The following MPHOSPH8 variants were observed in gnomAD, a reference collection of about 807,000 sequenced individuals.
MPHOSPH8 encodes the protein M-phase phosphoprotein 8, also known as M-phase phosphoprotein, mpp.
MPHOSPH8 carries 45 observed loss-of-function variants against 87.3 expected under a neutral mutation model. The observed-to-expected ratio is 0.52, with a 90% CI of 0.41 to 0.66. MPHOSPH8 has a LOEUF of 0.66. MPHOSPH8 is among the 30% of genes least tolerant of loss of function. The pLI is 0.00. For synonymous variants in MPHOSPH8, 366 were observed against 376.9 expected (o/e 0.97, Z 0.33); for missense variants, 883 against 1,020.2 (o/e 0.87, Z 1.83).
chr13:19,644,712 G>T (rs967289629), intron 2 of MPHOSPH8, among the ~76,000 whole-genome samples: 1 of 152,200 alleles, frequency 6.6e-6, no homozygotes, highest in African/African-American at 2.4e-5. Context: ...CAGTGTGTTG[G>T]CAGCCTTTCT....
rs1163603397 is a variant in MPHOSPH8, at chr13:19,658,978, G to A, written c.1577-17G>A. 6.2e-7 allele frequency: 1 copy of A among 1,609,364 alleles called. No individual in the cohort carries two copies. Among genetic ancestry groups the A allele is most frequent in the Non-Finnish European group, 8.5e-7 (1 of 1,178,980 alleles). ...CTTCAGACAAATGTATGTTAACAAG[G>A]CTATTGTGTGTTCCAGATGGCAGGC... On this transcript the variant is annotated splice_polypyrimidine_tract_variant and intron_variant, in intron 5 of 13. Coordinates refer to ENST00000361479, the MANE Select transcript of MPHOSPH8 (RefSeq NM_017520.4).
At chr13:19,660,136 A>ATT (rs568591119) in intron 7 of MPHOSPH8, among the ~76,000 whole-genome samples, 118 of 135,258 alleles carry the variant, frequency 8.7e-4, no homozygotes, top group Non-Finnish European at 1.4e-3. Flanking sequence ...AATTTTTTGT[A>ATT]TTTTTTTTTT....
chr13:19,671,760 AT>A (rs1876140990), intron 13 of MPHOSPH8, 73 bp from the exon 14 acceptor site: 1 of 1,408,704 alleles, frequency 7.1e-7, no homozygotes, highest in Non-Finnish European at 1.0e-6. Context: ...AATCTTGGCC[AT>A]TTGTGGGTTT....
chr13:19,652,618 G>GA (rs1874921819), intron 5 of MPHOSPH8, among the ~76,000 whole-genome samples: 1 of 152,112 alleles, frequency 6.6e-6, no homozygotes, highest in Non-Finnish European at 1.5e-5. Flanking sequence ...TGAAGCCAGG[G>GA]AGCCAAGTGG....
intron 7 of MPHOSPH8, chr13:19,659,731 C>A: frequency 5.1e-6 from 2 of 389,440 alleles, no homozygotes; most frequent in Non-Finnish European, 5.0e-6. Context: ...TATAAATGTA[C>A]AATTATAGTC....
rs1179432837 is a variant in MPHOSPH8, at chr13:19,672,596, T to A, written c.*721T>A. 6.6e-6 allele frequency: 1 copy of A among 151,726 alleles called. No homozygotes were observed. Among genetic ancestry groups the A allele is most frequent in the Non-Finnish European group, 1.5e-5 (1 of 68,448 alleles). 9.4% of individuals were successfully genotyped at this position (151,726 alleles called of 1,614,324 possible). On this transcript the variant is annotated 3_prime_UTR_variant, in exon 14 of 14. Coordinates refer to ENST00000361479, the MANE Select transcript of MPHOSPH8 (RefSeq NM_017520.4). ...CAAGTTACCCAAGCACCAAATAAAG[T>A]GTGGGTTTGCTGCCCTTGAAAGGGT...
intron 11 of MPHOSPH8, among the ~76,000 whole-genome samples, chr13:19,669,148 C>T (rs1309929323): frequency 6.6e-6 from 1 of 152,102 alleles, no homozygotes; most frequent in East Asian, 1.9e-4. Flanking sequence ...CTGAAAGAGC[C>T]GTTTGTAATA....
At chr13:19,661,021 G>A in intron 7 of MPHOSPH8, 3 of 936,376 alleles carry the variant, frequency 3.2e-6, no homozygotes, top group Non-Finnish European at 2.5e-6. Flanking sequence ...TCTACTTGAG[G>A]CTGTGGCAGG....
At chr13:19,641,237 C>T (rs1874270289) in intron 1 of MPHOSPH8, among the ~76,000 whole-genome samples, 1 of 152,104 alleles carries the variant, frequency 6.6e-6, no homozygotes, top group African/African-American at 2.4e-5. Context: ...TCACTGCAAC[C>T]TCTGCCTCCT....
intron 7 of MPHOSPH8, chr13:19,660,898 C>G: frequency 1.0e-6 from 1 of 983,624 alleles, no homozygotes; most frequent in East Asian, 1.1e-4. Flanking sequence ...CAAAAATTCA[C>G]TGTTCATTTT....
In MPHOSPH8 at chr13:19,659,306, A is replaced by C; in HGVS notation, c.1791+17A>C. On this transcript the variant is annotated intron_variant, in intron 7 of 13. Coordinates refer to ENST00000361479, the MANE Select transcript of MPHOSPH8 (RefSeq NM_017520.4). The stretch of plus-strand genomic sequence containing the variant: ...GACCAAGAGGTAATATGTCGTTGAA[A>C]AATCTCATGAAAGGAAAATGGAAAG... 1 of 1,535,922 alleles carries C rather than the reference A, an allele frequency of 6.5e-7. No individual in the cohort carries two copies. Among genetic ancestry groups the C allele is most frequent in the Non-Finnish European group, 8.9e-7 (1 of 1,126,036 alleles).
At chr13:19,634,502 G>T (rs1873883879) in intron 1 of MPHOSPH8, among the ~76,000 whole-genome samples, 1 of 152,176 alleles carries the variant, frequency 6.6e-6, no homozygotes, top group East Asian at 1.9e-4. Context: ...CAGCCACACA[G>T]AAATACTTGG....
At chr13:19,650,328 CTG>C (rs1277017651) in intron 5 of MPHOSPH8, 68 bp downstream of exon 5, 2 of 1,486,390 alleles carry the variant, frequency 1.3e-6, no homozygotes, top group Non-Finnish European at 1.8e-6. Context: ...GTACTCTTCT[CTG>C]TATTTCTGAT....
chr13:19,661,943 CG>C, intron 8 of MPHOSPH8, 105 bp downstream of exon 8: 13 of 1,220,466 alleles, frequency 1.1e-5, no homozygotes, highest in Non-Finnish European at 1.4e-5. Flanking sequence ...ATGGTCACAT[CG>C]CTTTTTTTTT....
rs776864222 is a variant in MPHOSPH8 at position 19,661,694 on chromosome 13, A to G, written c.1792-4A>G. 2.5e-6 allele frequency: 4 copies of G among 1,590,036 alleles called. No individual in the cohort carries two copies. Among genetic ancestry groups the G allele is most frequent in the East Asian group, 4.5e-5 (2 of 44,096 alleles). ...CACGTTTTTTATTTAACAAACCAAC[A>G]CAGGATTCCAGTGGAATGACACTGG... On this transcript the variant is annotated splice_polypyrimidine_tract_variant and splice_region_variant and intron_variant, in intron 7 of 13. Transcript: ENST00000361479.
At chr13:19,669,843 A>G (rs1039339194) in intron 11 of MPHOSPH8, among the ~76,000 whole-genome samples, 3 of 152,190 alleles carry the variant, frequency 2.0e-5, no homozygotes, top group East Asian at 1.9e-4. Flanking sequence ...GAAAAATTGG[A>G]AGGGGCAAAA....
At chr13:19,662,312 G>A (rs1416831759) in intron 8 of MPHOSPH8, among the ~76,000 whole-genome samples, 1 of 152,064 alleles carries the variant, frequency 6.6e-6, no homozygotes, top group African/African-American at 2.4e-5. Flanking sequence ...AGGTTGGAGT[G>A]CAGGTGGCAC....
chr13:19,654,943 C>A (rs1370689159), intron 5 of MPHOSPH8, among the ~76,000 whole-genome samples: 1 of 150,606 alleles, frequency 6.6e-6, no homozygotes, highest in East Asian at 1.9e-4. Flanking sequence ...AACGACACAC[C>A]ATCTCAAAAA....
Position 19,646,769 on chromosome 13 carries a change from G to C in MPHOSPH8, c.696G>C (p.Lys232Asn). 6.3e-7 allele frequency: 1 copy of C among 1,579,530 alleles called. No homozygotes were observed. Among genetic ancestry groups the C allele is most frequent in the Non-Finnish European group, 8.6e-7 (1 of 1,166,652 alleles). ...CAAAAGAATTAAAGAAAGTTAAAAA[G>C]GGTGAAATAAGAGATTTAAAGACGA... ...KETKELKKVK[K>N]GEIRDLKTKT... is the part of the protein sequence containing the mutation. The change falls in exon 3 of 14, where the codon AAG (lysine) becomes AAC (asparagine). Residue 232 changes from lysine to asparagine, a missense_variant. By Grantham distance (94) the Lys-to-Asn change is moderately conservative. This residue lies in a region of MPHOSPH8 where 741 missense variants were observed against 841.5 expected (regional missense o/e 0.88). Coordinates refer to ENST00000361479, the MANE Select transcript of MPHOSPH8 (RefSeq NM_017520.4).
Sources: allele counts gnomAD v4.1 joint callset (sites outside exome capture counted in the v4.1 genomes callset), GRCh38; gene constraint gnomAD v4.1.1; regional missense constraint gnomAD v4.1.1; transcripts MANE v1.5; gene names NCBI Gene and HGNC (gene_info 2026-07-23, HGNC 2026-07-21).